The following OSGEP variants were observed in gnomAD, a reference collection of about 807,000 sequenced individuals.
The protein encoded by OSGEP is O-sialoglycoprotein endopeptidase.
Under a neutral mutation model 44.1 loss-of-function variants are expected in OSGEP, and 39 were observed. That is an observed-to-expected ratio of 0.88 (90% confidence interval 0.69 to 1.16). The LOEUF (loss-of-function observed/expected upper bound fraction) is 1.16, where lower values mean the gene tolerates loss of function less well. Among genes scored for constraint, OSGEP ranks in the 50% most tolerant of loss-of-function variants. The pLI, the probability that OSGEP is intolerant of heterozygous loss-of-function variation, is 0.00. For missense variants in OSGEP, 403 were observed against 443.1 expected, an observed-to-expected ratio of 0.91 and a Z score of 0.81; for synonymous variants, 139 against 161.9, an observed-to-expected ratio of 0.86 and a Z score of 1.07.
At position 20,446,481 on chromosome 14, in the gene OSGEP, G is replaced by C. The variant is rs1478199901; in HGVS notation, c.*759C>G. Reference sequence around the variant, plus strand: ...AGACAAGGTTTTGTTCTGTCACTCAGGCTGGAATGCAGTGGCTCAATCACA... The same window carrying C: ...AGACAAGGTTTTGTTCTGTCACTCACGCTGGAATGCAGTGGCTCAATCACA... On this transcript the variant is annotated 3_prime_UTR_variant, in exon 11 of 11. Coordinates refer to ENST00000206542, the MANE Select transcript of OSGEP (RefSeq NM_017807.4). The C allele has an allele frequency of 1.3e-5, 2 of 152,224 alleles. No homozygotes were observed. Among genetic ancestry groups the C allele is most frequent in the Non-Finnish European group, 2.9e-5 (2 of 68,060 alleles). The allele number at this position is 152,224 out of a possible 1,614,324, so 9.4% of individuals were successfully genotyped here. A position where few individuals can be genotyped will look rare whatever the true frequency, so the allele number is the denominator to read the frequency against.
intron 1 of OSGEP, among the ~76,000 whole-genome samples, chr14:20,452,837 A>G (rs1881140106): frequency 6.6e-6 from 1 of 151,726 alleles, no homozygotes; most frequent in African/African-American, 2.4e-5. Context: ...CAGCCTCCTG[A>G]GTAGCTGGGA....
At position 20,447,512 on chromosome 14, in the gene OSGEP, A is replaced by G. The variant is rs1017442754; in HGVS notation, c.878T>C (p.Ile293Thr). 2 of 1,614,040 alleles carry G rather than the reference A, an allele frequency of 1.2e-6. No individual in the cohort carries two copies. The highest frequency in any genetic ancestry group is 1.3e-5 in the African/African-American group (1 of 75,042). The change falls in exon 10 of 11, where the codon ATT (isoleucine) becomes ACT (threonine). Residue 293 changes from isoleucine to threonine, a missense_variant. Ile to Thr is a moderately conservative substitution (Grantham distance 89, BLOSUM62 -1). Transcript: ENST00000206542. ...CTGGGCTATCATCGCTCCATTGTCA[A>G]TACAGAATCTGGGATGCAAGAGAGA... The part of the protein sequence containing the change: ...RLFATDERFC[I>T]DNGAMIAQAG...
rs1881033178 is a variant in OSGEP at position 20,449,185 on chromosome 14, CA to C, written c.492del (p.Phe164LeufsTer5). The C allele has an allele frequency of 1.2e-6, 2 of 1,612,032 alleles. No homozygotes were observed. Among genetic ancestry groups the C allele is most frequent in the South Asian group, 2.2e-5 (2 of 91,062 alleles). On this transcript the variant is annotated frameshift_variant, in exon 4 of 11. Coordinates refer to ENST00000206542, the MANE Select transcript of OSGEP (RefSeq NM_017807.4). LOFTEE classifies it high-confidence loss of function. ...DIAVGNCLDR[F>X]ARVLKISNDP... Reference sequence around the variant, plus strand: ...CACTGGCTTACCTTCAGCACTCGAGCAAAACGATCCAGACAATTACCCACTG... The same window carrying C: ...CACTGGCTTACCTTCAGCACTCGAGCAAACGATCCAGACAATTACCCACTG...
intron 6 of OSGEP, among the ~76,000 whole-genome samples, 181 bp from the exon 7 acceptor site, chr14:20,448,352 G>A (rs1033941433): frequency 6.6e-6 from 1 of 152,126 alleles, no homozygotes; most frequent in African/African-American, 2.4e-5. Context: ...CATTTAAGAT[G>A]CAATCATTAC....
rs913713599 is a variant in OSGEP, at chr14:20,446,653, C to G, written c.*587G>C. 3.3e-5 allele frequency: 5 copies of G among 152,366 alleles called. No homozygotes were observed. Among genetic ancestry groups the G allele is most frequent in the African/African-American group, 1.2e-4 (5 of 41,442 alleles). The allele number at this position is 152,366 out of a possible 1,614,324, so 9.4% of individuals were successfully genotyped here. ...TGTCTTGCTATTTGCCCAGGCTGGG[C>G]TCAAACTCCTGGGCTCAAGGGATCC... On this transcript the variant is annotated 3_prime_UTR_variant, in exon 11 of 11. Coordinates refer to ENST00000206542, the MANE Select transcript of OSGEP (RefSeq NM_017807.4).
intron 7 of OSGEP, 52 bp from the exon 8 acceptor site, chr14:20,448,046 C>G (rs1405895342): frequency 1.0e-5 from 16 of 1,587,248 alleles, no homozygotes; most frequent in Admixed American, 3.3e-5. Flanking sequence ...CAGATTAGTT[C>G]TGCTCTACAA....
chr14:20,451,108 T>C (rs1881084221), intron 3 of OSGEP: 1 of 154,468 alleles, frequency 6.5e-6, no homozygotes, highest in African/African-American at 2.4e-5. Flanking sequence ...AAACTCCATC[T>C]CAAATAAATA....
At chr14:20,453,881 T>G (rs773235657) in intron 1 of OSGEP, among the ~76,000 whole-genome samples, 1 of 152,012 alleles carries the variant, frequency 6.6e-6, no homozygotes, top group African/African-American at 2.4e-5. Flanking sequence ...TAGCTGGATG[T>G]GGTGGCGCAC....
In OSGEP at chr14:20,452,091, T is replaced by C. The variant is rs2275007; in HGVS notation, c.294A>G (p.Gln98=). The C allele has an allele frequency of 0.59, 953,636 of 1,613,168 alleles. 283,945 individuals are homozygous for C. The highest frequency in any genetic ancestry group is 0.64 in the Middle Eastern group (3,755 of 5,882). ...CACCCACCAATGGCTTATTCCACAG[T>C]TGGGCCACAGTACGGGCCACAACAG... is the stretch of plus-strand genomic sequence containing the variant. ...SVAVVARTVA[Q]LWNKPLVGVN... The change falls in exon 3 of 11, where the codon CAA becomes CAG. Residue 98 remains glutamine, a synonymous_variant. Transcript: ENST00000206542.
rs1351321248 is a variant in OSGEP at position 20,452,413 on chromosome 14, C to T, written c.151G>A (p.Ala51Thr). 5.0e-6 allele frequency: 8 copies of T among 1,613,678 alleles called. No individual in the cohort carries two copies. The highest frequency in any genetic ancestry group is 1.1e-5 in the South Asian group (1 of 91,092). Residue 51 changes from alanine to threonine, a missense_variant, in exon 2 of 11, where the codon GCT becomes ACT. Coordinates refer to ENST00000206542, the MANE Select transcript of OSGEP (RefSeq NM_017807.4). The part of the protein sequence containing the change: ...LPGDTARHHR[A>T]VILDLLQEAL... ...TCCTGCAGCAGGTCTAGGATAACAG[C>T]TCGGTGATGCCTGGCTGTATCACCT... is the stretch of plus-strand genomic sequence containing the variant.
At position 20,447,040 on chromosome 14, in the gene OSGEP, C is replaced by T. The variant is rs890755473; in HGVS notation, c.*200G>A. ...AAATCTACATTGGTCCTGAACAACACAATCCAATCACCAACATACAAAACC... is the reference window on the plus strand; with the variant it reads ...AAATCTACATTGGTCCTGAACAACATAATCCAATCACCAACATACAAAACC... On this transcript the variant is annotated 3_prime_UTR_variant, in exon 11 of 11. Transcript: ENST00000206542. The T allele has an allele frequency of 1.5e-5, 9 of 583,898 alleles. No individual in the cohort carries two copies. The highest frequency in any genetic ancestry group is 9.3e-5 in the African/African-American group (5 of 53,676). The allele number at this position is 583,898 out of a possible 1,614,324, so 36.2% of individuals were successfully genotyped here.
At chr14:20,454,455 T>A (rs1594410567) in intron 1 of OSGEP, 114 bp downstream of exon 1, 2 of 814,290 alleles carry the variant, frequency 2.5e-6, no homozygotes, top group South Asian at 1.4e-5. Flanking sequence ...TAATGTCACA[T>A]AATTTCAATG....
chr14:20,453,184 G>A (rs1017517740), intron 1 of OSGEP, among the ~76,000 whole-genome samples: 5 of 152,136 alleles, frequency 3.3e-5, no homozygotes, highest in African/African-American at 9.7e-5. Context: ...GTGCCCAGAG[G>A]AGTGAATGCT....
At chr14:20,447,841 T>C (rs1880992235) in intron 8 of OSGEP, 63 bp downstream of exon 8, 1 of 1,306,628 alleles carries the variant, frequency 7.7e-7, no homozygotes, top group African/African-American at 1.5e-5. Context: ...TGATTTAGAG[T>C]ACCAGGAGGA....
At chr14:20,452,268 A>G (rs1594408995) in intron 2 of OSGEP, 61 bp downstream of exon 2, 3 of 1,604,916 alleles carry the variant, frequency 1.9e-6, no homozygotes, top group African/African-American at 2.7e-5. Context: ...GGTGTTGGCT[A>G]TTTTGACCTA....
At chr14:20,448,918 C>T (rs1881027149) in intron 5 of OSGEP, 46 bp downstream of exon 5, 1 of 1,605,800 alleles carries the variant, frequency 6.2e-7, no homozygotes, top group East Asian at 2.2e-5. Flanking sequence ...TGGGGAAATC[C>T]CTGAAGCCCC....
chr14:20,452,584 T>C, intron 1 of OSGEP, 136 bp from the exon 2 acceptor site: 1 of 766,460 alleles, frequency 1.3e-6, no homozygotes, highest in Non-Finnish European at 2.1e-6. Context: ...ATCTTCCACA[T>C]TTTCACATCT....
At position 20,454,594 on chromosome 14, in the gene OSGEP, C is replaced by T. The variant is rs775936239; in HGVS notation, c.90G>A (p.Arg30=). 2.5e-6 allele frequency: 4 copies of T among 1,613,968 alleles called. No homozygotes were observed. The highest frequency in any genetic ancestry group is 3.4e-6 in the Non-Finnish European group (4 of 1,179,914). The change falls in exon 1 of 11, where the codon CGG becomes CGA. Residue 30 remains arginine, a synonymous_variant. Coordinates refer to ENST00000206542, the MANE Select transcript of OSGEP (RefSeq NM_017807.4). ...RDGKVLANPR[R]TYVTPPGTGF... ...CTGTGCCAGGAGGCGTGACGTAAGT[C>T]CGCCGCGGGTTCGCCAGCACCTTGC...
intron 1 of OSGEP, 144 bp downstream of exon 1, chr14:20,454,425 C>T: frequency 1.3e-6 from 1 of 744,320 alleles, no homozygotes; most frequent in Non-Finnish European, 2.5e-6. Context: ...CTCTTCTAGT[C>T]ATCAGCCTTG....
Sources: gnomAD v4.1 joint callset for allele counts (sites outside exome capture counted in the v4.1 genomes callset) on GRCh38, gnomAD v4.1.1 for gene constraint, MANE v1.5 for transcripts, NCBI Gene and HGNC (gene_info 2026-07-23, HGNC 2026-07-21) for gene names.